Variants in ZNF789 observed in about 807,000 individuals in gnomAD.
ZNF789 encodes the protein zinc finger protein 789.
Under a neutral mutation model 15.6 loss-of-function variants are expected in ZNF789, and 11 were observed. The observed-to-expected ratio is 0.70, with a 90% confidence interval of 0.44 to 1.16. ZNF789 has a LOEUF of 1.16. Among genes scored for constraint, ZNF789 ranks in the 50% most tolerant of loss-of-function variants. ZNF789 has a pLI of 0.00. For missense variants in ZNF789, 461 were observed against 512.6 expected (o/e 0.90, Z 0.97); for synonymous variants, 159 against 176.0 (o/e 0.90, Z 0.76).
chr7:99,475,935 G>T (rs983327627), intron 1 of ZNF789, among the ~76,000 whole-genome samples: 61 of 151,450 alleles, frequency 4.0e-4, no homozygotes, highest in African/African-American at 1.5e-3. Flanking sequence ...CTCCCAAGTA[G>T]CTGGGAGTAC....
At chr7:99,485,058 C>A in intron 4 of ZNF789, 1 of 873,220 alleles carries the variant, frequency 1.1e-6, no homozygotes, top group South Asian at 1.7e-5. Flanking sequence ...AGTGACAGCT[C>A]TTAGGGCACC....
intron 4 of ZNF789, among the ~76,000 whole-genome samples, chr7:99,486,084 G>A (rs1049783726): frequency 3.9e-5 from 6 of 152,144 alleles, no homozygotes; most frequent in South Asian, 2.1e-4. Flanking sequence ...TTGGGAGGCC[G>A]AGGTGGGTGG....
chr7:99,483,999 G>C (rs766517335), intron 3 of ZNF789, 31 bp from the exon 4 acceptor site: 7 of 1,587,054 alleles, frequency 4.4e-6, no homozygotes, highest in Non-Finnish European at 6.1e-6. Context: ...ACTCACTAAC[G>C]GCCACATCCC....
Position 99,486,663 on chromosome 7 carries a change from C to T in ZNF789, c.453C>T (p.Ser151=). Residue 151 remains serine (S), a synonymous_variant, in exon 5 of 5, where the codon AGC becomes AGT. Transcript: ENST00000331410. Reference sequence around the variant, plus strand: ...TCCCTACTAGTGGTGATGAATACAGCAGGGGCTTCCTTCAAAACCTTAACC... The same window carrying T: ...TCCCTACTAGTGGTGATGAATACAGTAGGGGCTTCCTTCAAAACCTTAACC... The part of the protein sequence containing the change: ...LTFPTSGDEY[S]RGFLQNLNLI... 4 of 1,614,186 alleles carry T rather than the reference C, an allele frequency of 2.5e-6. No homozygotes were observed. Among genetic ancestry groups the T allele is most frequent in the South Asian group, 1.1e-5 (1 of 91,086 alleles).
chr7:99,473,965 G>C (rs915844028), intron 1 of ZNF789, among the ~76,000 whole-genome samples: 4 of 152,178 alleles, frequency 2.6e-5, no homozygotes, highest in African/African-American at 9.6e-5. Context: ...ACCCAGGGTG[G>C]AGTGTAGTGG....
chr7:99,484,253 A>T, intron 4 of ZNF789, 110 bp downstream of exon 4: 1 of 772,030 alleles, frequency 1.3e-6, no homozygotes, highest in Non-Finnish European at 2.2e-6. Context: ...GGCATATATT[A>T]TCCCACTTCT....
chr7:99,483,888 C>T, intron 3 of ZNF789, 142 bp from the exon 4 acceptor site: 1 of 799,540 alleles, frequency 1.3e-6, no homozygotes, highest in South Asian at 1.3e-5. Context: ...ATAAAGACTG[C>T]CAGATATTTA....
intron 2 of ZNF789, among the ~76,000 whole-genome samples, chr7:99,476,977 G>A (rs544130370): frequency 7.5e-4 from 114 of 152,198 alleles, no homozygotes; most frequent in African/African-American, 2.6e-3. Flanking sequence ...TCCTATGAAC[G>A]GGTATAATGG....
In ZNF789 at chr7:99,479,686, C is replaced by T. The variant is rs1334413514; in HGVS notation, c.50C>T (p.Ala17Val). The change falls in exon 3 of 5, where the codon GCG (alanine) becomes GTG (valine). Residue 17 changes from alanine (A) to valine (V), a missense_variant. Physicochemically the swap from Ala to Val is moderately conservative, Grantham distance 64. Transcript: ENST00000331410. Reference sequence around the variant, plus strand: ...GAGCTGCTCTCGTTTGAGGATGTGGCGATGTACTTCACCAGAGAGGAGTGG... The same window carrying T: ...GAGCTGCTCTCGTTTGAGGATGTGGTGATGTACTTCACCAGAGAGGAGTGG... ...GKELLSFEDVAMYFTREEWGH... is the reference protein window; with the variant it reads ...GKELLSFEDVVMYFTREEWGH... 9.9e-6 allele frequency: 16 copies of T among 1,608,758 alleles called. No homozygotes were observed. The highest frequency in any genetic ancestry group is 2.2e-5 in the South Asian group (2 of 90,348).
intron 2 of ZNF789, among the ~76,000 whole-genome samples, chr7:99,477,987 A>G (rs1219765790): frequency 6.6e-6 from 1 of 152,162 alleles, no homozygotes; most frequent in Non-Finnish European, 1.5e-5. Flanking sequence ...CAAACAAAAA[A>G]TGGAACTTTT....
Position 99,487,369 on chromosome 7 carries a change from C to A in ZNF789, c.1159C>A (p.His387Asn). ...TAGTTTTAAGAGGAATCTTTTTCGA[C>A]ATCAGGTCATTCACACTGGAAGCCA... The part of the protein sequence containing the change: ...TFSFKRNLFR[H>N]QVIHTGSQPY... The change falls in exon 5 of 5, where the codon CAT (histidine) becomes AAT (asparagine). Residue 387 changes from histidine to asparagine, a missense_variant. Physicochemically the swap from His to Asn is moderately conservative, Grantham distance 68. Coordinates refer to ENST00000331410, the MANE Select transcript of ZNF789 (RefSeq NM_213603.3). 6.2e-7 allele frequency: 1 copy of A among 1,614,192 alleles called. No homozygotes were observed. Among genetic ancestry groups the A allele is most frequent in the South Asian group, 1.1e-5 (1 of 91,084 alleles).
intron 1 of ZNF789, among the ~76,000 whole-genome samples, chr7:99,475,730 C>T (rs533195047): frequency 2.6e-5 from 4 of 151,920 alleles, no homozygotes; most frequent in African/African-American, 9.7e-5. Context: ...GATTTGGGGC[C>T]CATGCCTCAG....
chr7:99,485,101 G>C, intron 4 of ZNF789: 1 of 1,363,320 alleles, frequency 7.3e-7, no homozygotes, highest in Non-Finnish European at 9.9e-7. Flanking sequence ...CTCATTACTT[G>C]TCCTCTCTCG....
At chr7:99,484,489 G>T (rs1176547194) in intron 4 of ZNF789, among the ~76,000 whole-genome samples, 1 of 152,194 alleles carries the variant, frequency 6.6e-6, no homozygotes, top group Non-Finnish European at 1.5e-5. Flanking sequence ...GCGTAGTGGC[G>T]TGTGCCTGTA....
chr7:99,474,204 GGAA>G (rs1383856863), intron 1 of ZNF789, among the ~76,000 whole-genome samples: 4 of 152,136 alleles, frequency 2.6e-5, no homozygotes, highest in African/African-American at 9.7e-5. Flanking sequence ...GGGCCACATT[GGAA>G]GAAGAATTGT....
rs767556819 is a variant in ZNF789 at position 99,482,090 on chromosome 7, T to C, written c.152-1940T>C. The C allele has an allele frequency of 3.9e-6, 3 of 774,270 alleles. No homozygotes were observed. In the Admixed American group the frequency reaches 5.2e-5, roughly 13 times the overall value. The allele number at this position is 774,270 out of a possible 1,614,324, so 48.0% of individuals were successfully genotyped here. ...GAGGATCTGACAAGAAATTCACTTA[T>C]GTTTCATATACACCTTAGACATGTA... is the stretch of plus-strand genomic sequence containing the variant. On this transcript the variant is annotated intron_variant, in intron 3 of 4. Transcript: ENST00000331410.
chr7:99,480,808 T>G (rs1472229912), intron 3 of ZNF789: 1 of 152,274 alleles, frequency 6.6e-6, no homozygotes, highest in Non-Finnish European at 1.5e-5. Context: ...TCTCCCACTG[T>G]GGGAGTTGCC....
chr7:99,479,368 A>C (rs933851755), intron 2 of ZNF789: 10 of 279,784 alleles, frequency 3.6e-5, no homozygotes, highest in African/African-American at 6.5e-5. Flanking sequence ...CTGTTCCTCT[A>C]ATCAACAGCA....
intron 1 of ZNF789, 56 bp from the exon 2 acceptor site, chr7:99,476,347 C>A: frequency 1.5e-6 from 2 of 1,322,714 alleles, no homozygotes; most frequent in South Asian, 1.4e-5. Context: ...CCCAGATCTG[C>A]CAACCAAGAG....
Sources: allele counts gnomAD v4.1 joint callset (sites outside exome capture counted in the v4.1 genomes callset), GRCh38; gene constraint gnomAD v4.1.1; transcripts MANE v1.5; gene names NCBI Gene and HGNC (gene_info 2026-07-23, HGNC 2026-07-21).